Variants in CNBD1 observed in about 807,000 individuals in gnomAD.
CNBD1 encodes cyclic nucleotide binding domain containing 1.
In CNBD1, 71 loss-of-function variants were observed where a neutral mutation model predicts 54.4. The ratio of observed to expected loss-of-function variants is 1.30; its 90% CI spans 1.08 to 1.59. CNBD1 has a LOEUF of 1.59. Among genes scored for constraint, CNBD1 ranks in the 40% most tolerant of loss-of-function variants. CNBD1 has a pLI of 0.00. For missense variants in CNBD1, 659 were observed against 518.0 expected, an observed-to-expected ratio of 1.27 and a Z score of -2.64; for synonymous variants, 182 against 170.7, an observed-to-expected ratio of 1.07 and a Z score of -0.51.
intron 4 of CNBD1, among the ~76,000 whole-genome samples, chr8:87,178,268 T>C (rs969594943): frequency 3.3e-5 from 5 of 152,246 alleles, no homozygotes; most frequent in South Asian, 2.1e-4. Context: ...CAGGGATGAG[T>C]CCTGACAAGA....
At chr8:87,036,218 C>T (rs1263073888) in intron 4 of CNBD1, among the ~76,000 whole-genome samples, 1 of 152,138 alleles carries the variant, frequency 6.6e-6, no homozygotes. Context: ...AGTCTTGATC[C>T]TTCTCCTCAC....
chr8:87,074,058 G>A (rs973280426), intron 4 of CNBD1, among the ~76,000 whole-genome samples: 12 of 147,878 alleles, frequency 8.1e-5, no homozygotes, highest in South Asian at 4.2e-4. Context: ...CCGAGATCGC[G>A]CCACTGCACT....
intron 2 of CNBD1, among the ~76,000 whole-genome samples, chr8:86,892,809 ATGT>A (rs1225433903): frequency 1.3e-5 from 2 of 152,046 alleles, no homozygotes; most frequent in African/African-American, 2.4e-5. Flanking sequence ...CACTCACAGG[ATGT>A]TGGTGAGAAC....
intron 6 of CNBD1, among the ~76,000 whole-genome samples, chr8:87,259,397 G>A (rs934408295): frequency 3.9e-5 from 6 of 152,116 alleles, no homozygotes; most frequent in Admixed American, 2.0e-4. Flanking sequence ...AGCAGTTTAT[G>A]ACCTTAAAGC....
chr8:87,306,994 A>G (rs1046777774), intron 8 of CNBD1, among the ~76,000 whole-genome samples: 2 of 152,174 alleles, frequency 1.3e-5, no homozygotes, highest in Non-Finnish European at 2.9e-5. Flanking sequence ...TAAATAAATG[A>G]CCTAACCTCA....
chr8:87,415,891 A>G (rs568789716), intron 2 of CNBD1, among the ~76,000 whole-genome samples: 9 of 152,146 alleles, frequency 5.9e-5, no homozygotes, highest in African/African-American at 2.2e-4. Flanking sequence ...AATAAGAATC[A>G]AAACAAATTT....
intron 8 of CNBD1, among the ~76,000 whole-genome samples, chr8:87,324,034 G>C (rs1439871668): frequency 1.6e-5 from 2 of 125,934 alleles, no homozygotes; most frequent in African/African-American, 5.9e-5. Flanking sequence ...TTTTGTCAAA[G>C]GCTTTTTCTG....
intron 4 of CNBD1, among the ~76,000 whole-genome samples, chr8:86,965,374 A>G (rs1445654862): frequency 6.6e-6 from 1 of 152,158 alleles, no homozygotes; most frequent in Non-Finnish European, 1.5e-5. Context: ...ACCTCCATCC[A>G]GTCCCAAGTG....
intron 2 of CNBD1, among the ~76,000 whole-genome samples, chr8:87,419,984 C>G (rs1807900984): frequency 6.7e-6 from 1 of 149,146 alleles, no homozygotes; most frequent in South Asian, 2.1e-4. Flanking sequence ...TGTAATATAG[C>G]AATATGTAAG....
At chr8:87,374,289 T>C (rs1018229119) in intron 10 of CNBD1, among the ~76,000 whole-genome samples, 3 of 151,800 alleles carry the variant, frequency 2.0e-5, no homozygotes, top group African/African-American at 7.2e-5. Flanking sequence ...CAAATCCTTG[T>C]GGATTGCTAA....
At chr8:87,230,769 A>T (rs1814667981) in intron 5 of CNBD1, among the ~76,000 whole-genome samples, 1 of 152,278 alleles carries the variant, frequency 6.6e-6, no homozygotes, top group African/African-American at 2.4e-5. Flanking sequence ...CTGTTTCTAG[A>T]TTTAAGAAAT....
chr8:86,977,612 C>T (rs1395580629), intron 4 of CNBD1, among the ~76,000 whole-genome samples: 1 of 151,928 alleles, frequency 6.6e-6, no homozygotes, highest in East Asian at 1.9e-4. Context: ...AATTATACAA[C>T]AAAAAATTGG....
At chr8:86,909,166 C>A in intron 3 of CNBD1, among the ~76,000 whole-genome samples, 1 of 152,000 alleles carries the variant, frequency 6.6e-6, no homozygotes. Context: ...CATTTTGAGC[C>A]ATCTTAACTC....
At chr8:87,351,330 T>G (rs1435354066) in intron 8 of CNBD1, among the ~76,000 whole-genome samples, 1 of 152,154 alleles carries the variant, frequency 6.6e-6, no homozygotes, top group East Asian at 1.9e-4. Context: ...TATCAGAAAT[T>G]TCAAATGAGC....
At chr8:87,335,790 T>C (rs529545847) in intron 8 of CNBD1, among the ~76,000 whole-genome samples, 1 of 152,320 alleles carries the variant, frequency 6.6e-6, no homozygotes, top group South Asian at 2.1e-4. Flanking sequence ...ATGCAGTTTC[T>C]TCATAGTGTC....
In CNBD1 at chr8:87,350,979, A is replaced by G. The variant is rs946754063; in HGVS notation, c.1043-706A>G. On this transcript the variant is annotated intron_variant, in intron 8 of 10. Transcript: ENST00000518476. The stretch of plus-strand genomic sequence containing the variant: ...ACAAGTTTGAAAGAATAATGATAAT[A>G]ACATCGATTTATTGTAATAACATGA... 6.6e-5 allele frequency among the ~76,000 whole-genome samples: 10 copies of G among 152,170 alleles called. 1 individual carries two copies. Among genetic ancestry groups the G allele is most frequent in the South Asian group, 2.1e-4 (1 of 4,830 alleles).
intron 4 of CNBD1, among the ~76,000 whole-genome samples, chr8:87,067,739 T>G (rs1419421262): frequency 6.6e-6 from 1 of 151,974 alleles, no homozygotes. Flanking sequence ...GTACTTAACT[T>G]ATAATCTTGT....
intron 2 of CNBD1, among the ~76,000 whole-genome samples, chr8:87,404,567 G>A (rs1202258342): frequency 6.6e-6 from 1 of 151,954 alleles, no homozygotes; most frequent in Non-Finnish European, 1.5e-5. Context: ...ACTCACGCTG[G>A]TCAAATTAGT....
chr8:87,257,809 A>G (rs1808052395), intron 6 of CNBD1, among the ~76,000 whole-genome samples: 2 of 152,314 alleles, frequency 1.3e-5, no homozygotes, highest in South Asian at 4.1e-4. Flanking sequence ...CAGCTGGTTT[A>G]ACATGAATAT....
Sources: gnomAD v4.1 joint callset for allele counts (sites outside exome capture counted in the v4.1 genomes callset) on GRCh38, gnomAD v4.1.1 for gene constraint, MANE v1.5 for transcripts, NCBI Gene and HGNC (gene_info 2026-07-23, HGNC 2026-07-21) for gene names.